PARVB: variants seen among roughly 807,000 people sequenced by gnomAD.
The protein encoded by PARVB is parvin beta.
A neutral mutation model predicts 47.0 loss-of-function variants in PARVB; 46 were observed. The observed-to-expected ratio is 0.98, with a 90% CI of 0.77 to 1.25. PARVB has a LOEUF of 1.25. Ranked by LOEUF, PARVB falls within the 50% of genes most tolerant of loss-of-function variation. The probability of loss-of-function intolerance (pLI) is 0.00; values close to 1 mark genes in which losing one functional copy is unlikely to be tolerated. For synonymous variants in PARVB, 196 were observed against 196.3 expected (o/e 1.00, Z 0.01); for missense variants, 473 against 471.6 (o/e 1.00, Z -0.03).
intron 2 of PARVB, among the ~76,000 whole-genome samples, chr22:44,001,199 G>A (rs1266602142): frequency 5.9e-5 from 9 of 152,184 alleles, no homozygotes; most frequent in African/African-American, 1.9e-4. Flanking sequence ...GCAGTGAGCC[G>A]AGATCACGCC....
chr22:44,143,346 G>A (rs1008467741), intron 8 of PARVB: 3 of 152,314 alleles, frequency 2.0e-5, no homozygotes, highest in African/African-American at 7.2e-5. Context: ...GGCACCCACA[G>A]CCCCTGCCTT....
intron 3 of PARVB, chr22:44,111,967 G>A: frequency 6.6e-6 from 1 of 152,054 alleles, no homozygotes; most frequent in East Asian, 1.9e-4. Context: ...GTCAGAAGGA[G>A]GTCAGCCGGG....
chr22:44,165,351 G>A (rs561939083), intron 12 of PARVB, among the ~76,000 whole-genome samples: 11 of 152,248 alleles, frequency 7.2e-5, no homozygotes, highest in African/African-American at 2.2e-4. Flanking sequence ...CCTGCATGCC[G>A]GTGCTGAGAA....
intron 4 of PARVB, among the ~76,000 whole-genome samples, chr22:44,130,409 G>A (rs2053283684): frequency 6.6e-6 from 1 of 152,230 alleles, no homozygotes; most frequent in African/African-American, 2.4e-5. Flanking sequence ...GCACCTGCCA[G>A]TACCTACTGC....
intron 1 of PARVB, among the ~76,000 whole-genome samples, chr22:44,081,296 G>A (rs772625396): frequency 1.6e-4 from 24 of 152,126 alleles, no homozygotes; most frequent in Non-Finnish European, 2.9e-4. Context: ...GCCTGTCTCC[G>A]AAGCAGGCCG....
chr22:44,052,486 C>T lies in PARVB; in HGVS notation c.112+28035C>T, dbSNP rs921212091. On this transcript the variant is annotated intron_variant, in intron 1 of 12. Coordinates refer to ENST00000338758, the MANE Select transcript of PARVB (RefSeq NM_013327.5). ...AAAACATTGTGTTATGAATGTTCTT[C>T]ATTGAGCAACTGCGATCTCTTTCTG... Among the ~76,000 whole-genome samples the T allele has an allele frequency of 3.4e-4, 52 of 152,210 alleles. 1 individual carries two copies. Among genetic ancestry groups the T allele is most frequent in the Non-Finnish European group, 1.5e-5 (1 of 68,046 alleles).
intron 1 of PARVB, among the ~76,000 whole-genome samples, chr22:44,024,858 G>A (rs891130296): frequency 3.9e-5 from 6 of 152,228 alleles, no homozygotes; most frequent in African/African-American, 1.4e-4. Context: ...CGGCCTGGGG[G>A]ACCCACTACT....
intron 2 of PARVB, among the ~76,000 whole-genome samples, chr22:44,018,050 A>T (rs183801259): frequency 2.6e-5 from 4 of 152,304 alleles, no homozygotes; most frequent in Admixed American, 2.6e-4. Context: ...CCCAGGATAC[A>T]GAGAGTACCC....
intron 1 of PARVB, among the ~76,000 whole-genome samples, chr22:44,055,850 G>A (rs1405445881): frequency 1.3e-5 from 2 of 152,110 alleles, no homozygotes; most frequent in African/African-American, 2.4e-5. Flanking sequence ...CCTGCCTTTC[G>A]GTCTATTCAG....
chr22:44,125,731 G>A lies in PARVB; in HGVS notation c.377-5756G>A, dbSNP rs181571464. Among the ~76,000 whole-genome samples the A allele has an allele frequency of 3.0e-3, 462 of 152,324 alleles. 1 individual carries two copies. The highest frequency in any genetic ancestry group is 0.011 in the African/African-American group (449 of 41,570). On this transcript the variant is annotated intron_variant, in intron 4 of 12. Transcript: ENST00000338758. This position sits in a 1 kb window ranked among gnomAD's most constrained non-coding sequence, Gnocchi z 4.1. ...AACAGTCTATTCCAAGTGACAGGAA[G>A]CCATTGGAGGTTTTGGGTAGGGCTG...
chr22:44,066,805 C>CTCCTTA, intron 1 of PARVB, among the ~76,000 whole-genome samples: 1 of 146,854 alleles, frequency 6.8e-6, no homozygotes, highest in African/African-American at 2.5e-5. Flanking sequence ...CCTCCTCCTC[C>CTCCTTA]TCCTCCTCCT....
chr22:44,028,312 GT>G (rs1321772954), intron 1 of PARVB, among the ~76,000 whole-genome samples: 22 of 151,308 alleles, frequency 1.5e-4, no homozygotes, highest in Middle Eastern at 3.4e-3. Flanking sequence ...TCATTTTTTT[GT>G]TTTGTTTTTT....
chr22:44,027,655 T>C lies in PARVB; in HGVS notation c.112+3204T>C, dbSNP rs544140411. 2.6e-5 allele frequency among the ~76,000 whole-genome samples: 4 copies of C among 152,262 alleles called. No individual in the cohort carries two copies. The East Asian group carries it at 5.8e-4, about 22-fold the overall frequency. Reference sequence around the variant, plus strand: ...GCTCACGCCTGTAATCCCAGCACTCTGGGAGGCCGAGGTGGGTGGATCACC... The same window carrying C: ...GCTCACGCCTGTAATCCCAGCACTCCGGGAGGCCGAGGTGGGTGGATCACC... On this transcript the variant is annotated intron_variant, in intron 1 of 12. Coordinates refer to ENST00000338758, the MANE Select transcript of PARVB (RefSeq NM_013327.5).
chr22:44,093,853 G>T, intron 1 of PARVB, 75 bp from the exon 2 acceptor site: 1 of 830,242 alleles, frequency 1.2e-6, no homozygotes, highest in Non-Finnish European at 2.0e-6. Flanking sequence ...ATTTCTCTCT[G>T]CGTCCACAGC....
intron 5 of PARVB, among the ~76,000 whole-genome samples, chr22:44,132,627 A>G (rs1022708609): frequency 2.0e-5 from 3 of 152,010 alleles, no homozygotes; most frequent in African/African-American, 7.3e-5. Context: ...CCTTTCCCTC[A>G]TCACTGCCCA....
chr22:44,023,047 T>C (rs2050669583), upstream of PARVB, among the ~76,000 whole-genome samples: 1 of 152,000 alleles, frequency 6.6e-6, no homozygotes, highest in Non-Finnish European at 1.5e-5. Flanking sequence ...GCACCTGGCC[T>C]ACTCCTCCTA....
intron 1 of PARVB, among the ~76,000 whole-genome samples, chr22:44,044,353 G>T (rs1324075696): frequency 1.3e-5 from 2 of 152,084 alleles, no homozygotes; most frequent in East Asian, 3.9e-4. Flanking sequence ...ACAGTGCCTG[G>T]CTAATTTTTT....
chr22:44,092,001 A>G (rs920324180), intron 1 of PARVB, among the ~76,000 whole-genome samples: 4 of 152,182 alleles, frequency 2.6e-5, no homozygotes, highest in African/African-American at 9.7e-5. Context: ...ATCACGTGCC[A>G]TGCTCTGGGC....
intron 1 of PARVB, among the ~76,000 whole-genome samples, chr22:44,053,157 C>T (rs945242620): frequency 1.4e-5 from 2 of 143,562 alleles, no homozygotes; most frequent in African/African-American, 5.2e-5. Flanking sequence ...GATCTCGGCT[C>T]ACTGCAACCT....
Sources: gnomAD v4.1 joint callset for allele counts (sites outside exome capture counted in the v4.1 genomes callset) on GRCh38, gnomAD v4.1.1 for gene constraint, Gnocchi (gnomAD v3.1) non-coding constraint, MANE v1.5 for transcripts, NCBI Gene and HGNC (gene_info 2026-07-23, HGNC 2026-07-21) for gene names.